Variants in EMP2 observed in about 807,000 individuals in gnomAD.
The protein encoded by EMP2 is epithelial membrane protein 2.
Under a neutral mutation model 13.7 loss-of-function variants are expected in EMP2, and 19 were observed. The observed-to-expected ratio is 1.38, with a 90% CI of 0.97 to 2.03. The LOEUF is 2.03. Ranked by LOEUF, EMP2 falls within the 30% of genes most tolerant of loss-of-function variation. The probability of loss-of-function intolerance (pLI) is 0.00; values close to 1 mark genes in which losing one functional copy is unlikely to be tolerated. For missense variants in EMP2, 253 were observed against 220.7 expected (o/e 1.15, Z -0.93); for synonymous variants, 97 against 84.7 (o/e 1.15, Z -0.80).
intron 1 of EMP2, among the ~76,000 whole-genome samples, chr16:10,569,768 C>T (rs1240986024): frequency 3.9e-5 from 6 of 152,174 alleles, no homozygotes; most frequent in African/African-American, 4.8e-5. Context: ...CAAATGCCTG[C>T]GTGCATGCAG....
chr16:10,556,210 T>G (rs1405483783), intron 1 of EMP2, among the ~76,000 whole-genome samples: 1 of 152,222 alleles, frequency 6.6e-6, no homozygotes, highest in Non-Finnish European at 1.5e-5. Flanking sequence ...TTCCTTCTTT[T>G]CTTCCCTCCA....
At chr16:10,567,976 G>A (rs1191304591) in intron 1 of EMP2, among the ~76,000 whole-genome samples, 3 of 152,230 alleles carry the variant, frequency 2.0e-5, no homozygotes, top group Non-Finnish European at 4.4e-5. Flanking sequence ...GTAAGTGGCA[G>A]AGCTGGGAGT....
At chr16:10,579,873 G>A (rs558751912) in intron 1 of EMP2, among the ~76,000 whole-genome samples, 4 of 152,244 alleles carry the variant, frequency 2.6e-5, no homozygotes, top group South Asian at 4.2e-4. Context: ...TCCCTGGAGC[G>A]TGCTCAGATC....
intron 1 of EMP2, among the ~76,000 whole-genome samples, chr16:10,555,592 T>G (rs2050821505): frequency 8.5e-6 from 1 of 118,328 alleles, no homozygotes; most frequent in African/African-American, 3.3e-5. Flanking sequence ...GTCACTTTTT[T>G]TTTCTTTTTT....
chr16:10,537,293 C>A (rs2050654810), intron 4 of EMP2, among the ~76,000 whole-genome samples: 1 of 152,226 alleles, frequency 6.6e-6, no homozygotes, highest in Non-Finnish European at 1.5e-5. Context: ...TGCTCTGAGA[C>A]CTCTGCTTCC....
chr16:10,540,898 G>C (rs1048236464), intron 3 of EMP2, among the ~76,000 whole-genome samples: 2 of 152,034 alleles, frequency 1.3e-5, no homozygotes, highest in Non-Finnish European at 2.9e-5. Flanking sequence ...GACCAGCATG[G>C]GCAACATGGT....
At position 10,533,026 on chromosome 16, in the gene EMP2, G is replaced by T; in HGVS notation, c.383C>A (p.Ala128Glu). The T allele has an allele frequency of 1.2e-6, 2 of 1,611,092 alleles. No individual in the cohort carries two copies. The highest frequency in any genetic ancestry group is 1.7e-6 in the Non-Finnish European group (2 of 1,178,624). Residue 128 changes from alanine (A) to glutamate (E), a missense_variant, in exon 5 of 5, where the codon GCG becomes GAG. Physicochemically the swap from Ala to Glu is moderately radical, Grantham distance 107 (BLOSUM62 -1). Transcript: ENST00000359543. Reference protein sequence around the residue: ...DRREDIHDKNAKFYPVTREGS... With the variant: ...DRREDIHDKNEKFYPVTREGS... ...TTCTCTGGTCACGGGATAGAATTTC[G>T]CGTTTTTGTCGTGAATGTCTTCACG...
chr16:10,562,464 G>A (rs8053464), intron 1 of EMP2, among the ~76,000 whole-genome samples: 44,536 of 150,892 alleles, frequency 0.3, 6,812 homozygotes, highest in African/African-American at 0.34. Context: ...AAGATAAGAT[G>A]CCACTTGGAA....
chr16:10,559,409 A>G (rs2050856476), intron 1 of EMP2, among the ~76,000 whole-genome samples: 1 of 152,190 alleles, frequency 6.6e-6, no homozygotes, highest in East Asian at 1.9e-4. Flanking sequence ...TCTGGGCACA[A>G]AGTCAGCATT....
intron 4 of EMP2, among the ~76,000 whole-genome samples, chr16:10,536,291 C>T (rs1286532396): frequency 6.6e-6 from 1 of 152,140 alleles, no homozygotes; most frequent in Non-Finnish European, 1.5e-5. Flanking sequence ...GGAAGAGTCT[C>T]ACTGTATCCC....
intron 2 of EMP2, chr16:10,545,592 A>T (rs930197241): frequency 3.7e-5 from 6 of 161,410 alleles, no homozygotes; most frequent in Non-Finnish European, 7.9e-5. Context: ...ATGCCTGATG[A>T]TCTGTCACTG....
At chr16:10,573,930 C>T (rs964414272) in intron 1 of EMP2, among the ~76,000 whole-genome samples, 13 of 83,208 alleles carry the variant, frequency 1.6e-4, no homozygotes, top group South Asian at 1.0e-3. Flanking sequence ...ATGGATAAAC[C>T]TTTTTTTTTT....
chr16:10,569,226 C>A (rs1258831899), intron 1 of EMP2, among the ~76,000 whole-genome samples: 2 of 152,228 alleles, frequency 1.3e-5, no homozygotes, highest in Non-Finnish European at 2.9e-5. Flanking sequence ...GTCAATCACA[C>A]CACTGTGATC....
At chr16:10,562,001 A>G (rs754585065) in intron 1 of EMP2, among the ~76,000 whole-genome samples, 5 of 152,236 alleles carry the variant, frequency 3.3e-5, no homozygotes, top group Admixed American at 6.5e-5. Flanking sequence ...CACTTAAGGA[A>G]GAATAATACC....
intron 2 of EMP2, chr16:10,544,033 T>G (rs1256422342): frequency 8.2e-6 from 2 of 243,636 alleles, no homozygotes; most frequent in East Asian, 9.5e-5. Context: ...TTTTTGTATT[T>G]TTTGTAGAGT....
intron 2 of EMP2, 118 bp downstream of exon 2, chr16:10,547,422 A>T: frequency 9.0e-7 from 1 of 1,114,940 alleles, no homozygotes; most frequent in Non-Finnish European, 1.3e-6. Flanking sequence ...CATTTTCCTT[A>T]TAAATTACCT....
At chr16:10,549,862 C>CT (rs2050771257) in intron 1 of EMP2, among the ~76,000 whole-genome samples, 1 of 140,010 alleles carries the variant, frequency 7.1e-6, no homozygotes, top group Non-Finnish European at 1.6e-5. Flanking sequence ...CTTTTCTTTT[C>CT]TTTTCTTTTT....
intron 1 of EMP2, among the ~76,000 whole-genome samples, chr16:10,574,732 A>T (rs1277709388): frequency 1.3e-5 from 2 of 150,594 alleles, no homozygotes; most frequent in Non-Finnish European, 3.0e-5. Flanking sequence ...TTGTATTTTT[A>T]GTAGAGACAG....
At chr16:10,549,936 A>G (rs1171888705) in intron 1 of EMP2, among the ~76,000 whole-genome samples, 1 of 123,418 alleles carries the variant, frequency 8.1e-6, no homozygotes, top group Non-Finnish European at 1.6e-5. Flanking sequence ...CCCAGGCTGG[A>G]GTACAGTGGT....
Sources: allele counts gnomAD v4.1 joint callset (sites outside exome capture counted in the v4.1 genomes callset), GRCh38; gene constraint gnomAD v4.1.1; transcripts MANE v1.5; gene names NCBI Gene and HGNC (gene_info 2026-07-23, HGNC 2026-07-21).